NUP205: variants seen among roughly 807,000 people sequenced by gnomAD.
NUP205 encodes the protein nuclear pore complex protein Nup205.
A neutral mutation model predicts 253.8 loss-of-function variants in NUP205; 76 were observed. The ratio of observed to expected loss-of-function variants is 0.30; its 90% CI spans 0.25 to 0.36. The LOEUF is 0.36. NUP205 is among the 10% of genes least tolerant of loss of function. The pLI, the probability that NUP205 is intolerant of heterozygous loss-of-function variation, is 1.00. For missense variants in NUP205, 2,162 were observed against 2,425.5 expected, an observed-to-expected ratio of 0.89 and a Z score of 2.28; for synonymous variants, 832 against 850.1, an observed-to-expected ratio of 0.98 and a Z score of 0.37.
At position 135,577,898 on chromosome 7, in the gene NUP205, G is replaced by C. The variant is rs1468351852; in HGVS notation, c.751G>C (p.Gly251Arg). Residue 251 changes from glycine (G) to arginine (R), a missense_variant, in exon 6 of 43, where the codon GGA becomes CGA. Transcript: ENST00000285968. ...CAAAGAAGACACTCTCCTCCTCATT[G>C]GACATTTGGAAAGAGTGACAGTTGA... Reference protein sequence around the residue: ...LGKEDTLLLIGHLERVTVEAN... With the variant: ...LGKEDTLLLIRHLERVTVEAN... The C allele has an allele frequency of 6.2e-7, 1 of 1,614,034 alleles. No homozygotes were observed. The highest frequency in any genetic ancestry group is 8.5e-7 in the Non-Finnish European group (1 of 1,179,970).
rs1422760285 is a variant in NUP205, at chr7:135,625,274, A to T, written c.4590A>T (p.Val1530=). The part of the protein sequence containing the change: ...GYLKVLVDSL[V]EDDRTLQSLL... Reference sequence around the variant, plus strand: ...TGAAGGTCCTCGTAGACAGCTTGGTAGAAGATGACCGTACTTTGCAGAGCT... The same window carrying T: ...TGAAGGTCCTCGTAGACAGCTTGGTTGAAGATGACCGTACTTTGCAGAGCT... Residue 1530 remains valine (V), a synonymous_variant, in exon 32 of 43, where the codon GTA becomes GTT. Coordinates refer to ENST00000285968, the MANE Select transcript of NUP205 (RefSeq NM_015135.3). 3 of 1,614,184 alleles carry T rather than the reference A, an allele frequency of 1.9e-6. No individual in the cohort carries two copies. Among genetic ancestry groups the T allele is most frequent in the Non-Finnish European group, 2.5e-6 (3 of 1,180,030 alleles).
chr7:135,562,804 A>G (rs1474621178), intron 1 of NUP205, among the ~76,000 whole-genome samples: 1 of 152,022 alleles, frequency 6.6e-6, no homozygotes, highest in Non-Finnish European at 1.5e-5. Flanking sequence ...TCGGTATCCC[A>G]AAGTGCTGGG....
chr7:135,638,677 C>CG lies in NUP205; in HGVS notation c.5388dup (p.Gln1797AlafsTer28). 1 of 1,614,078 alleles carries CG rather than the reference C, an allele frequency of 6.2e-7. No individual in the cohort carries two copies. The highest frequency in any genetic ancestry group is 8.5e-7 in the Non-Finnish European group (1 of 1,180,012). On this transcript the variant is annotated frameshift_variant, in exon 38 of 43. Coordinates refer to ENST00000285968, the MANE Select transcript of NUP205 (RefSeq NM_015135.3). LOFTEE classifies it high-confidence loss of function. ...AGAAACAGTTAATAGAGATGGACCG[C>CG]GGCAAGGTGAGCTTAGTTTTTCATT...
intron 18 of NUP205, 51 bp downstream of exon 18, chr7:135,603,045 G>A: frequency 7.3e-7 from 1 of 1,373,764 alleles, no homozygotes; most frequent in Non-Finnish European, 1.0e-6. Flanking sequence ...AGACATTCTA[G>A]CTTTGATTTT....
intron 23 of NUP205, among the ~76,000 whole-genome samples, chr7:135,615,661 T>C (rs1325449122): frequency 6.6e-6 from 1 of 152,232 alleles, no homozygotes; most frequent in African/African-American, 2.4e-5. Context: ...AAATCAGTAA[T>C]GAAAACTTGA....
chr7:135,561,876 G>T (rs1352212914), intron 1 of NUP205, among the ~76,000 whole-genome samples: 9 of 151,800 alleles, frequency 5.9e-5, no homozygotes, highest in African/African-American at 2.2e-4. Flanking sequence ...TAGTATTCAT[G>T]GACTCCATCT....
rs1793860120 is a variant in NUP205 at position 135,597,233 on chromosome 7, T to C, written c.2014-135T>C. 5.1e-6 allele frequency: 3 copies of C among 587,630 alleles called. No homozygotes were observed. The East Asian group carries it at 8.4e-5, about 16-fold the overall frequency. The allele number at this position is 587,630 out of a possible 1,614,324, so 36.4% of individuals were successfully genotyped here. A position where few individuals can be genotyped will look rare whatever the true frequency, so the allele number is the denominator to read the frequency against. ...TAATGAAAGTCCATCCAGGGACTAA[T>C]TGATTGTCATTTTGGTGGACATTGT... is the stretch of plus-strand genomic sequence containing the variant. On this transcript the variant is annotated intron_variant, in intron 13 of 42. Coordinates refer to ENST00000285968, the MANE Select transcript of NUP205 (RefSeq NM_015135.3).
intron 22 of NUP205, among the ~76,000 whole-genome samples, chr7:135,608,897 T>TAA (rs547078074): frequency 5.3e-5 from 8 of 151,738 alleles, no homozygotes; most frequent in African/African-American, 7.3e-5. Flanking sequence ...GGTTAGGAGT[T>TAA]AGAGACCAGC....
intron 2 of NUP205, 146 bp downstream of exon 2, chr7:135,571,393 C>T (rs1456734784): frequency 9.3e-6 from 3 of 322,652 alleles, no homozygotes; most frequent in Non-Finnish European, 1.6e-5. Context: ...GTCCTGATGA[C>T]ATGTACCCCT....
chr7:135,627,443 A>AT (rs1371729798), intron 33 of NUP205, among the ~76,000 whole-genome samples: 2 of 152,128 alleles, frequency 1.3e-5, no homozygotes, highest in Non-Finnish European at 2.9e-5. Flanking sequence ...AGCAATTTGG[A>AT]TTTTGGATTT....
At chr7:135,620,855 G>A (rs935407309) in intron 30 of NUP205, among the ~76,000 whole-genome samples, 2 of 152,076 alleles carry the variant, frequency 1.3e-5, no homozygotes, top group African/African-American at 4.8e-5. Context: ...CAAAAGTTAG[G>A]CACATTTAAA....
At position 135,640,373 on chromosome 7, in the gene NUP205, C is replaced by T. The variant is rs368236567; in HGVS notation, c.5392+1690C>T. Among the ~76,000 whole-genome samples, 26 of 152,258 alleles carry T rather than the reference C, an allele frequency of 1.7e-4. 1 individual carries two copies. Among genetic ancestry groups the T allele is most frequent in the African/African-American group, 6.0e-4 (25 of 41,560 alleles). On this transcript the variant is annotated intron_variant, in intron 38 of 42. Coordinates refer to ENST00000285968, the MANE Select transcript of NUP205 (RefSeq NM_015135.3). ...GTTGTAATTTATGTACAACAAAATT[C>T]ACCCATTTTAGGTATACAGTTTGAA...
At chr7:135,599,988 A>G (rs1475443238) in intron 15 of NUP205, among the ~76,000 whole-genome samples, 2 of 152,190 alleles carry the variant, frequency 1.3e-5, no homozygotes, top group East Asian at 3.8e-4. Context: ...TGGAAAATGC[A>G]AAACAGTGAA....
In NUP205 at chr7:135,608,569, G is replaced by A. The variant is rs192100553; in HGVS notation, c.3195+1198G>A. On this transcript the variant is annotated intron_variant, in intron 22 of 42. Coordinates refer to ENST00000285968, the MANE Select transcript of NUP205 (RefSeq NM_015135.3). ...CTGAAAATACAAAAATTAGCTGGGC[G>A]TGGTGGCACGTGCCTGTAATCCCAG... Among the ~76,000 whole-genome samples, 86 of 151,920 alleles carry A rather than the reference G, an allele frequency of 5.7e-4. No individual in the cohort carries two copies. The South Asian group carries it at 0.012, about 21-fold the overall frequency.
At chr7:135,581,841 A>T (rs1806314442) in intron 7 of NUP205, among the ~76,000 whole-genome samples, 1 of 151,808 alleles carries the variant, frequency 6.6e-6, no homozygotes, top group South Asian at 2.1e-4. Flanking sequence ...TGACAGAGTG[A>T]AACTCTGTTT....
Position 135,576,412 on chromosome 7 carries a change from C to T in NUP205, c.486C>T (p.Leu162=), listed in dbSNP as rs767292702. 5 of 1,605,274 alleles carry T rather than the reference C, an allele frequency of 3.1e-6. No homozygotes were observed. The highest frequency in any genetic ancestry group is 4.2e-6 in the Non-Finnish European group (5 of 1,177,516). The change falls in exon 4 of 43, where the codon CTC becomes CTT. Residue 162 remains leucine (L), a splice_region_variant and synonymous_variant. Coordinates refer to ENST00000285968, the MANE Select transcript of NUP205 (RefSeq NM_015135.3). ...SRRGKTWTLE[L]SPELASMTTR... ...GGGGAAAGACATGGACCCTAGAACT[C>T]AGGTCTTTTTACTTCTTGGGATTTC...
In NUP205 at chr7:135,648,520, A is replaced by G. The variant is rs1795058037; in HGVS notation, c.6003A>G (p.Arg2001=). The change falls in exon 43 of 43, where the codon AGA becomes AGG. Residue 2001 remains arginine (R), a synonymous_variant. Transcript: ENST00000285968. The part of the protein sequence containing the change: ...SRYSFIQALV[R]RIRGLLRISR... ...ATAGTTTCATACAGGCTCTTGTCAG[A>G]CGTATCCGTGGCCTCTTGAGGATAT... is the stretch of plus-strand genomic sequence containing the variant. 2 of 1,597,764 alleles carry G rather than the reference A, an allele frequency of 1.3e-6. No homozygotes were observed. The highest frequency in any genetic ancestry group is 1.7e-6 in the Non-Finnish European group (2 of 1,174,306).
At position 135,648,455 on chromosome 7, in the gene NUP205, C is replaced by T. The variant is rs758375178; in HGVS notation, c.5938C>T (p.Leu1980=). The T allele has an allele frequency of 5.0e-6, 8 of 1,606,726 alleles. No individual in the cohort carries two copies. The East Asian group carries it at 1.1e-4, about 23-fold the overall frequency. Residue 1980 remains leucine, a synonymous_variant, in exon 43 of 43, where the codon CTG becomes TTG. Coordinates refer to ENST00000285968, the MANE Select transcript of NUP205 (RefSeq NM_015135.3). ...AFGESLQKKL[L]DIEGLYSKVR... ...TGGAGAATCACTACAAAAGAAACTT[C>T]TGGACATTGAAGGATTATATTCAAA...
At chr7:135,569,363 G>A (rs1584636881) in intron 1 of NUP205, among the ~76,000 whole-genome samples, 2 of 152,334 alleles carry the variant, frequency 1.3e-5, no homozygotes, top group Admixed American at 6.5e-5. Flanking sequence ...GTGAGCCACC[G>A]TGCCCGGCCT....
Sources: gnomAD v4.1 joint callset for allele counts (sites outside exome capture counted in the v4.1 genomes callset) on GRCh38, gnomAD v4.1.1 for gene constraint, MANE v1.5 for transcripts, NCBI Gene and HGNC (gene_info 2026-07-23, HGNC 2026-07-21) for gene names.